Variants in MSL2 observed in about 807,000 individuals in gnomAD.
MSL2 encodes MSL complex subunit 2.
Under a neutral mutation model 35.8 loss-of-function variants are expected in MSL2, and 2 were observed. The ratio of observed to expected loss-of-function variants is 0.06; its 90% CI spans 0.02 to 0.18. The LOEUF is 0.18. Among genes scored for constraint, MSL2 ranks in the 10% least tolerant of loss-of-function variants. The pLI is 1.00. For synonymous variants in MSL2, 296 were observed against 255.7 expected (o/e 1.16, Z -1.50); for missense variants, 523 against 706.7 (o/e 0.74, Z 2.95).
intron 1 of MSL2, among the ~76,000 whole-genome samples, chr3:136,184,059 G>A (rs1940440780): frequency 6.6e-6 from 1 of 152,160 alleles, no homozygotes; most frequent in Non-Finnish European, 1.5e-5. Context: ...ACTTTGGGAG[G>A]CAAAGGCGGG....
chr3:136,182,546 G>A (rs773363545), intron 1 of MSL2, among the ~76,000 whole-genome samples: 1 of 152,128 alleles, frequency 6.6e-6, no homozygotes, highest in Non-Finnish European at 1.5e-5. Context: ...CCAAAGCCTG[G>A]ATTGAGGGGG....
rs186210740 is a variant in MSL2 at position 136,175,959 on chromosome 3, A to G, written c.142+19013T>C. ...CAAACCTTTTTTAAATCTCTGAATT[A>G]TAGCACCAAAATTAAACTCCAAAAT... On this transcript the variant is annotated intron_variant, in intron 1 of 1. Coordinates refer to ENST00000309993, the MANE Select transcript of MSL2 (RefSeq NM_018133.4). Among the ~76,000 whole-genome samples the G allele has an allele frequency of 2.6e-3, 396 of 152,300 alleles. 3 individuals are homozygous for G. Among genetic ancestry groups the G allele is most frequent in the African/African-American group, 7.0e-3 (293 of 41,568 alleles).
At chr3:136,156,655 G>T (rs1299159976) in intron 1 of MSL2, among the ~76,000 whole-genome samples, 3 of 152,140 alleles carry the variant, frequency 2.0e-5, no homozygotes, top group Non-Finnish European at 4.4e-5. Context: ...ACGAGGTCAG[G>T]AGATTGAGAC....
intron 1 of MSL2, among the ~76,000 whole-genome samples, chr3:136,161,483 G>A (rs956679660): frequency 1.3e-5 from 2 of 152,214 alleles, no homozygotes; most frequent in Non-Finnish European, 2.9e-5. Context: ...ATTAATTGGT[G>A]AGTAGATAAA....
Position 136,151,153 on chromosome 3 carries a change from G to A in MSL2, c.1728C>T (p.Asp576=). The change falls in exon 2 of 2, where the codon GAC becomes GAT. Residue 576 remains aspartate, a synonymous_variant. Transcript: ENST00000309993. This position sits in a 1 kb window ranked among gnomAD's most constrained non-coding sequence, Gnocchi z 5.2. ...SLDEAIDMRF[D]C ...GTTTAAAAGACCCACTGATTTAACA[G>A]TCGAATCTCATGTCTATAGCTTCAT... 1 of 1,608,890 alleles carries A rather than the reference G, an allele frequency of 6.2e-7. No individual in the cohort carries two copies. The highest frequency in any genetic ancestry group is 8.5e-7 in the Non-Finnish European group (1 of 1,175,490).
At chr3:136,172,755 C>T (rs574627700) in intron 1 of MSL2, among the ~76,000 whole-genome samples, 48 of 152,050 alleles carry the variant, frequency 3.2e-4, no homozygotes, top group Non-Finnish European at 6.0e-4. Context: ...CAAATGTGTA[C>T]GTCTTCAGTT....
intron 1 of MSL2, among the ~76,000 whole-genome samples, chr3:136,167,433 T>C (rs1377611275): frequency 2.0e-5 from 3 of 152,160 alleles, no homozygotes; most frequent in East Asian, 1.9e-4. Flanking sequence ...TTAAATGTCA[T>C]ATGCACAAAA....
chr3:136,172,694 T>C (rs1940061243), intron 1 of MSL2, among the ~76,000 whole-genome samples: 1 of 152,134 alleles, frequency 6.6e-6, no homozygotes. Flanking sequence ...TCCCTTTCAG[T>C]AATCCTTAGT....
chr3:136,194,955 A>C lies in MSL2; in HGVS notation c.142+17T>G. 6.2e-7 allele frequency: 1 copy of C among 1,613,406 alleles called. No homozygotes were observed. Among genetic ancestry groups the C allele is most frequent in the East Asian group, 2.2e-5 (1 of 44,886 alleles). On this transcript the variant is annotated intron_variant, in intron 1 of 1. Transcript: ENST00000309993. Reference sequence around the variant, plus strand: ...TAAAAACAAGCATTGAAAAGGGAACAATAAAAAGCGTCTCACCGCAAACAC... The same window carrying C: ...TAAAAACAAGCATTGAAAAGGGAACCATAAAAAGCGTCTCACCGCAAACAC...
Position 136,181,990 on chromosome 3 carries a change from A to T in MSL2, c.142+12982T>A, listed in dbSNP as rs113571285. On this transcript the variant is annotated intron_variant, in intron 1 of 1. Transcript: ENST00000309993. ...ACTTACGTGGGCTGAAGAAAAAAAA[A>T]TTTTTTAATTTAAAATTTTTTTAAA... 8.1e-3 allele frequency among the ~76,000 whole-genome samples: 1,232 copies of T among 152,026 alleles called. 20 individuals carry two copies. Among genetic ancestry groups the T allele is most frequent in the African/African-American group, 0.027 (1,136 of 41,500 alleles).
intron 1 of MSL2, among the ~76,000 whole-genome samples, chr3:136,158,331 AAAG>A (rs1029528093): frequency 5.3e-5 from 8 of 151,942 alleles, no homozygotes; most frequent in African/African-American, 1.9e-4. Context: ...AAAAAAAAAA[AAAG>A]AAAATACAAA....
chr3:136,180,002 T>C (rs529795569), intron 1 of MSL2, among the ~76,000 whole-genome samples: 5 of 152,172 alleles, frequency 3.3e-5, no homozygotes, highest in South Asian at 2.1e-4. Flanking sequence ...GAGGCAGAGG[T>C]TGCAGTGAGC....
At position 136,151,695 on chromosome 3, in the gene MSL2, T is replaced by C. The variant is rs765274711; in HGVS notation, c.1186A>G (p.Lys396Glu). The C allele has an allele frequency of 3.5e-5, 57 of 1,614,066 alleles. No individual in the cohort carries two copies. Among genetic ancestry groups the C allele is most frequent in the Non-Finnish European group, 4.7e-5 (56 of 1,180,038 alleles). ...GATAAAAGTACAGTTTTGCTGATTT[T>C]AGGTGTTGTGCCTCCATTGGGAACA... ...ATVPNGGTTP[K>E]ISKTVLLSTK... The change falls in exon 2 of 2, where the codon AAA (lysine) becomes GAA (glutamate). Residue 396 changes from lysine to glutamate, a missense_variant. This residue lies in a region of MSL2 where 361 missense variants were observed against 414.6 expected (regional missense o/e 0.87). Coordinates refer to ENST00000309993, the MANE Select transcript of MSL2 (RefSeq NM_018133.4). The surrounding 1 kb of genome is among the most constrained non-coding windows in gnomAD (Gnocchi z 5.2).
In MSL2 at chr3:136,149,156, G is replaced by GGAA. The variant is rs1409720992; in HGVS notation, c.*1988_*1990dup. On this transcript the variant is annotated 3_prime_UTR_variant, in exon 2 of 2. Coordinates refer to ENST00000309993, the MANE Select transcript of MSL2 (RefSeq NM_018133.4). ...AAAACCCACAAGATTATCAAACTTG[G>GGAA]GAAGCAATAAAGTACTCTATGAATT... 6.6e-6 allele frequency: 1 copy of GGAA among 150,872 alleles called. No homozygotes were observed. The allele number at this position is 150,872 out of a possible 1,614,324, so 9.3% of individuals were successfully genotyped here.
Position 136,149,577 on chromosome 3 carries a change from CAA to C in MSL2, c.*1568_*1569del, listed in dbSNP as rs1029639510. 15 of 142,362 alleles carry C rather than the reference CAA, an allele frequency of 1.1e-4. No individual in the cohort carries two copies. Among genetic ancestry groups the C allele is most frequent in the African/African-American group, 3.6e-4 (14 of 38,884 alleles). The allele number at this position is 142,362 out of a possible 1,614,324, so 8.8% of individuals were successfully genotyped here. A position where few individuals can be genotyped will look rare whatever the true frequency, so the allele number is the denominator to read the frequency against. On this transcript the variant is annotated 3_prime_UTR_variant, in exon 2 of 2. Coordinates refer to ENST00000309993, the MANE Select transcript of MSL2 (RefSeq NM_018133.4). ...TGGCTTTAGCCCACCCCCACCCCAC[CAA>C]AAGAGACCAAAAAAAAAAAAAGAAA...
At chr3:136,192,123 A>C (rs1178943846) in intron 1 of MSL2, among the ~76,000 whole-genome samples, 2 of 152,246 alleles carry the variant, frequency 1.3e-5, no homozygotes, top group African/African-American at 4.8e-5. Flanking sequence ...AGGAGATATA[A>C]GTATCTTATG....
In MSL2 at chr3:136,195,826, G is replaced by T; in HGVS notation, c.-713C>A. On this transcript the variant is annotated 5_prime_UTR_variant, in exon 1 of 2. Coordinates refer to ENST00000309993, the MANE Select transcript of MSL2 (RefSeq NM_018133.4). ...CGGGCGGGAGTCCTCAACCCGGAGGGGAAGGCCGGGGAGGAAGTGCGCGGG... is the reference window on the plus strand; with the variant it reads ...CGGGCGGGAGTCCTCAACCCGGAGGTGAAGGCCGGGGAGGAAGTGCGCGGG... 2 of 984,868 alleles carry T rather than the reference G, an allele frequency of 2.0e-6. No homozygotes were observed. Among genetic ancestry groups the T allele is most frequent in the Non-Finnish European group, 2.4e-6 (2 of 829,754 alleles). The allele number at this position is 984,868 out of a possible 1,614,324, so 61.0% of individuals were successfully genotyped here.
chr3:136,158,181 G>A (rs1351759037), intron 1 of MSL2, among the ~76,000 whole-genome samples: 1 of 151,878 alleles, frequency 6.6e-6, no homozygotes. Context: ...GCGTGGTGGC[G>A]CATGCCTGTA....
chr3:136,150,918 T>C lies in MSL2; in HGVS notation c.*229A>G, dbSNP rs1034482125. On this transcript the variant is annotated 3_prime_UTR_variant, in exon 2 of 2. Transcript: ENST00000309993. ...GTATAAATCAGTTGCATCAGCTTTGTTCTCAAACTATGAGGTTCTGTAAGA... is the reference window on the plus strand; with the variant it reads ...GTATAAATCAGTTGCATCAGCTTTGCTCTCAAACTATGAGGTTCTGTAAGA... 2 of 507,630 alleles carry C rather than the reference T, an allele frequency of 3.9e-6. No individual in the cohort carries two copies. Among genetic ancestry groups the C allele is most frequent in the Non-Finnish European group, 7.0e-6 (2 of 285,484 alleles). 31.4% of individuals were successfully genotyped at this position (507,630 alleles called of 1,614,324 possible).
Sources: gnomAD v4.1 joint callset for allele counts (sites outside exome capture counted in the v4.1 genomes callset) on GRCh38, gnomAD v4.1.1 for gene constraint, gnomAD v4.1.1 regional missense constraint, Gnocchi (gnomAD v3.1) non-coding constraint, MANE v1.5 for transcripts, NCBI Gene and HGNC (gene_info 2026-07-23, HGNC 2026-07-21) for gene names.